EPYC: variants seen among roughly 807,000 people sequenced by gnomAD.
The protein encoded by EPYC is epiphycan.
Under a neutral mutation model 30.1 loss-of-function variants are expected in EPYC, and 28 were observed. The observed-to-expected ratio is 0.93, with a 90% CI of 0.69 to 1.28. The LOEUF is 1.28. Ranked by LOEUF, EPYC falls within the 50% of genes most tolerant of loss-of-function variation. The probability of loss-of-function intolerance (pLI) is 0.00; values close to 1 mark genes in which losing one functional copy is unlikely to be tolerated. For missense variants in EPYC, 382 were observed against 383.5 expected (o/e 1.00, Z 0.03); for synonymous variants, 144 against 141.4 (o/e 1.02, Z -0.13).
In EPYC at chr12:90,970,087, A is replaced by C; in HGVS notation, c.755T>G (p.Ile252Ser). The C allele has an allele frequency of 6.2e-7, 1 of 1,614,018 alleles. No homozygotes were observed. The highest frequency in any genetic ancestry group is 8.5e-7 in the Non-Finnish European group (1 of 1,179,918). The change falls in exon 6 of 7, where the codon ATC becomes AGC. Residue 252 changes from isoleucine to serine, a missense_variant. Coordinates refer to ENST00000261172, the MANE Select transcript of EPYC (RefSeq NM_004950.5). ...LYLTDNNLDH[I>S]PLPLPENLRA... is the part of the protein sequence containing the mutation. ...TAGATTTTCTGGGAGTGGCAGAGGG[A>C]TGTGGTCCAAGTTGTTATCAGTGAG...
Position 90,971,983 on chromosome 12 carries a change from A to G in EPYC, c.519T>C (p.Asp173=), listed in dbSNP as rs1877062742. 4 of 1,589,348 alleles carry G rather than the reference A, an allele frequency of 2.5e-6. No individual in the cohort carries two copies. The highest frequency in any genetic ancestry group is 1.8e-5 in the Admixed American group (1 of 56,974). ...FASLSDLKRI[D]LTSNLISEID... ...TCTCAGATATTAAATTTGATGTCAG[A>G]TCAATCCTTTTTAAATCACCTAGCA... is the stretch of plus-strand genomic sequence containing the variant. Residue 173 remains aspartate (D), a synonymous_variant, in exon 5 of 7, where the codon GAT becomes GAC. Transcript: ENST00000261172.
intron 2 of EPYC, among the ~76,000 whole-genome samples, chr12:90,982,220 T>C (rs1447324400): frequency 6.6e-6 from 1 of 152,174 alleles, no homozygotes; most frequent in East Asian, 1.9e-4. Context: ...AGCAATAGAC[T>C]ACTGATATAA....
At chr12:90,987,850 G>C (rs1297482220) in intron 2 of EPYC, among the ~76,000 whole-genome samples, 2 of 152,108 alleles carry the variant, frequency 1.3e-5, no homozygotes, top group Non-Finnish European at 2.9e-5. Flanking sequence ...TTAACTCTAA[G>C]TGAACAGTCA....
chr12:90,980,568 G>A (rs147557147), intron 2 of EPYC, among the ~76,000 whole-genome samples: 4 of 152,186 alleles, frequency 2.6e-5, no homozygotes, highest in African/African-American at 7.2e-5. Context: ...GAAGTTATGA[G>A]GCAATGCACA....
intron 2 of EPYC, among the ~76,000 whole-genome samples, chr12:90,979,608 G>A (rs1487786623): frequency 6.6e-6 from 1 of 152,084 alleles, no homozygotes; most frequent in African/African-American, 2.4e-5. Context: ...TCTTTTATCA[G>A]TTTATATTTC....
chr12:90,965,662 G>C (rs1161420113), intron 6 of EPYC, among the ~76,000 whole-genome samples: 1 of 151,994 alleles, frequency 6.6e-6, no homozygotes, highest in Non-Finnish European at 1.5e-5. Flanking sequence ...TTATTTATTA[G>C]TTCAAATACT....
At chr12:90,993,424 T>C (rs1003656641) in intron 2 of EPYC, among the ~76,000 whole-genome samples, 2 of 152,150 alleles carry the variant, frequency 1.3e-5, no homozygotes, top group African/African-American at 4.8e-5. Flanking sequence ...TTTTGAGCTC[T>C]ATTTCTGTGT....
chr12:90,978,639 A>G, intron 2 of EPYC, among the ~76,000 whole-genome samples: 1 of 152,122 alleles, frequency 6.6e-6, no homozygotes, highest in East Asian at 1.9e-4. Context: ...TCAGAAGTGT[A>G]CAGAGTAAAT....
chr12:91,002,278 G>T, intron 2 of EPYC, 123 bp downstream of exon 2: 37 of 646,140 alleles, frequency 5.7e-5, no homozygotes, highest in East Asian at 1.2e-4. Flanking sequence ...AGGTTAATAT[G>T]AAATTATTAA....
intron 2 of EPYC, among the ~76,000 whole-genome samples, chr12:90,983,629 C>T (rs945800894): frequency 6.6e-6 from 1 of 152,086 alleles, no homozygotes; most frequent in African/African-American, 2.4e-5. Context: ...ATGCGAGGAA[C>T]TCTCAAAGTC....
chr12:91,001,519 C>A (rs150253942), intron 2 of EPYC, among the ~76,000 whole-genome samples: 2,312 of 152,108 alleles, frequency 0.015, 32 homozygotes, highest in Middle Eastern at 0.048. Context: ...TAGCCTGTAT[C>A]CTTTAGTTAT....
At chr12:90,983,671 C>T (rs1442146925) in intron 2 of EPYC, among the ~76,000 whole-genome samples, 5 of 152,102 alleles carry the variant, frequency 3.3e-5, no homozygotes, top group Non-Finnish European at 7.4e-5. Context: ...CCCATCTATT[C>T]TATCTATCCT....
chr12:90,992,680 G>A (rs752390817), intron 2 of EPYC, among the ~76,000 whole-genome samples: 3 of 152,096 alleles, frequency 2.0e-5, no homozygotes, highest in East Asian at 1.9e-4. Flanking sequence ...GCCAGAAAAC[G>A]GAAAGATCTC....
At chr12:91,001,647 T>G (rs1394999954) in intron 2 of EPYC, among the ~76,000 whole-genome samples, 2 of 152,134 alleles carry the variant, frequency 1.3e-5, no homozygotes, top group African/African-American at 2.4e-5. Context: ...GGAAGCACAT[T>G]CACTGTTGAG....
chr12:90,982,341 A>C (rs193093500), intron 2 of EPYC, among the ~76,000 whole-genome samples: 1 of 152,214 alleles, frequency 6.6e-6, no homozygotes, highest in Non-Finnish European at 1.5e-5. Flanking sequence ...TATACAGTCC[A>C]ATGTTTTTTA....
chr12:90,971,252 GC>G (rs1407351155), intron 5 of EPYC, among the ~76,000 whole-genome samples: 1 of 152,022 alleles, frequency 6.6e-6, no homozygotes, highest in Non-Finnish European at 1.5e-5. Flanking sequence ...TCTTATTCTG[GC>G]CCTGCTTTCT....
chr12:90,984,101 T>G (rs1877391073), intron 2 of EPYC, among the ~76,000 whole-genome samples: 1 of 152,134 alleles, frequency 6.6e-6, no homozygotes, highest in South Asian at 2.1e-4. Context: ...ACTTCATTTT[T>G]GGGGCATAAC....
At position 90,986,530 on chromosome 12, in the gene EPYC, T is replaced by C. The variant is rs958163349; in HGVS notation, c.166-8268A>G. Among the ~76,000 whole-genome samples, 22 of 152,174 alleles carry C rather than the reference T, an allele frequency of 1.4e-4. 1 individual carries two copies. Among genetic ancestry groups the C allele is most frequent in the African/African-American group, 2.9e-4 (12 of 41,460 alleles). On this transcript the variant is annotated intron_variant, in intron 2 of 6. Transcript: ENST00000261172. ...GGAAGCAGAATGGTAGGAAGCAGGA[T>C]AGTTGTCCAGAAACATTGCAAACTT...
rs762183152 is a variant in EPYC, at chr12:90,964,267, A to G, written c.858T>C (p.Tyr286=). ...DTFCNVKNLT[Y]IRKALEDIRL... ...GAATGTCCTCTAGTGCCTTACGAATATAAGTCAAATTTTTAACATTGCAGA... is the reference window on the plus strand; with the variant it reads ...GAATGTCCTCTAGTGCCTTACGAATGTAAGTCAAATTTTTAACATTGCAGA... The change falls in exon 7 of 7, where the codon TAT becomes TAC. Residue 286 remains tyrosine, a synonymous_variant. Coordinates refer to ENST00000261172, the MANE Select transcript of EPYC (RefSeq NM_004950.5). 2.5e-6 allele frequency: 4 copies of G among 1,613,096 alleles called. No individual in the cohort carries two copies. Among genetic ancestry groups the G allele is most frequent in the Admixed American group, 3.3e-5 (2 of 59,986 alleles).
Sources: gnomAD v4.1 joint callset for allele counts (sites outside exome capture counted in the v4.1 genomes callset) on GRCh38, gnomAD v4.1.1 for gene constraint, MANE v1.5 for transcripts, NCBI Gene and HGNC (gene_info 2026-07-23, HGNC 2026-07-21) for gene names.